The following GNA12 variants were observed in gnomAD, a reference collection of about 807,000 sequenced individuals.
GNA12 encodes the protein G protein subunit alpha 12.
GNA12 carries 9 observed loss-of-function variants against 26.0 expected under a neutral mutation model. The observed-to-expected ratio is 0.35, with a 90% CI of 0.21 to 0.60. GNA12 has a LOEUF of 0.60. GNA12 is among the 20% of genes least tolerant of loss of function. The pLI, the probability that GNA12 is intolerant of heterozygous loss-of-function variation, is 0.78. For missense variants in GNA12, 405 were observed against 525.8 expected, an observed-to-expected ratio of 0.77 and a Z score of 2.25; for synonymous variants, 264 against 219.6, an observed-to-expected ratio of 1.20 and a Z score of -1.79.
intron 1 of GNA12, among the ~76,000 whole-genome samples, chr7:2,837,128 G>A (rs1364338506): frequency 6.6e-6 from 1 of 151,964 alleles, no homozygotes; most frequent in East Asian, 1.9e-4. Flanking sequence ...AGAAGCAGGA[G>A]GTGCTCCAAT....
intron 1 of GNA12, among the ~76,000 whole-genome samples, chr7:2,797,193 T>G (rs766170859): frequency 5.3e-5 from 8 of 152,226 alleles, no homozygotes; most frequent in Non-Finnish European, 7.3e-5. Context: ...TCACCCAGGC[T>G]GGAGTGCAGT....
At chr7:2,780,048 G>GTATATATATATATA (rs1554259618) in intron 2 of GNA12, among the ~76,000 whole-genome samples, 35 of 84,718 alleles carry the variant, frequency 4.1e-4, no homozygotes, top group African/African-American at 1.5e-3. Context: ...ACATTTCTGT[G>GTATATATATATATA]TACATATATA....
Position 2,778,080 on chromosome 7 carries a change from G to A in GNA12, c.525+16848C>T, listed in dbSNP as rs148419600. The stretch of plus-strand genomic sequence containing the variant: ...GCTCAAACACGAGCTACACTATGCC[G>A]CCTTAGCGGCATAGTCTTTTCCAAA... On this transcript the variant is annotated intron_variant, in intron 2 of 3. Coordinates refer to ENST00000275364, the MANE Select transcript of GNA12 (RefSeq NM_007353.3). Among the ~76,000 whole-genome samples the A allele has an allele frequency of 1.1e-3, 168 of 152,246 alleles. 2 individuals carry two copies. The highest frequency in any genetic ancestry group is 3.9e-3 in the African/African-American group (161 of 41,536).
chr7:2,771,296 AAAAAAACC>A (rs1011774039), intron 2 of GNA12, among the ~76,000 whole-genome samples: 20 of 152,144 alleles, frequency 1.3e-4, no homozygotes, highest in Non-Finnish European at 2.8e-4. Flanking sequence ...CTGCCACTCA[AAAAAAACC>A]AAAAAACCAA....
chr7:2,843,365 C>G (rs1364484420), intron 1 of GNA12, among the ~76,000 whole-genome samples: 1 of 151,910 alleles, frequency 6.6e-6, no homozygotes, highest in Non-Finnish European at 1.5e-5. Context: ...AGAGGCAGAC[C>G]GGGCGCCATG....
At chr7:2,745,963 G>A (rs146165687) in intron 2 of GNA12, among the ~76,000 whole-genome samples, 3,582 of 152,146 alleles carry the variant, frequency 0.024, 97 homozygotes, top group Middle Eastern at 0.075. Context: ...TCAACAAGAA[G>A]AGCTAACTAT....
intron 2 of GNA12, among the ~76,000 whole-genome samples, chr7:2,783,837 A>G (rs1792295425): frequency 6.6e-6 from 1 of 151,852 alleles, no homozygotes; most frequent in African/African-American, 2.4e-5. Flanking sequence ...GGCACCCACC[A>G]CCATGTCTGG....
chr7:2,843,482 A>C (rs529789167), intron 1 of GNA12, among the ~76,000 whole-genome samples: 2 of 147,096 alleles, frequency 1.4e-5, no homozygotes, highest in Admixed American at 6.6e-5. Context: ...CCATCTCTAC[A>C]AAAAAAAACT....
At chr7:2,813,059 G>A (rs908102339) in intron 1 of GNA12, among the ~76,000 whole-genome samples, 2 of 152,086 alleles carry the variant, frequency 1.3e-5, no homozygotes, top group Non-Finnish European at 2.9e-5. Flanking sequence ...CTGAGTAGCT[G>A]GGAATTACCG....
chr7:2,789,297 G>A (rs1454001198), intron 2 of GNA12, among the ~76,000 whole-genome samples: 4 of 148,480 alleles, frequency 2.7e-5, no homozygotes, highest in Non-Finnish European at 5.9e-5. Flanking sequence ...CACTACGCCC[G>A]GCTAATTTTT....
At chr7:2,798,079 G>A (rs1205073210) in intron 1 of GNA12, among the ~76,000 whole-genome samples, 1 of 152,146 alleles carries the variant, frequency 6.6e-6, no homozygotes, top group Admixed American at 6.5e-5. Context: ...CCAACACTAG[G>A]AAAAGACAAA....
chr7:2,728,514 T>C lies in GNA12; in HGVS notation c.*2667A>G, dbSNP rs1789724132. 1 of 152,472 alleles carries C rather than the reference T, an allele frequency of 6.6e-6. No homozygotes were observed. The highest frequency in any genetic ancestry group is 2.4e-5 in the African/African-American group (1 of 41,444). The allele number at this position is 152,472 out of a possible 1,614,324, so 9.4% of individuals were successfully genotyped here. A position where few individuals can be genotyped will look rare whatever the true frequency, so the allele number is the denominator to read the frequency against. ...TTAAAAATAGATTTCAGTAAAACCC[T>C]ATATGCGTCTTATGTGTACACAGTA... On this transcript the variant is annotated 3_prime_UTR_variant, in exon 4 of 4. Coordinates refer to ENST00000275364, the MANE Select transcript of GNA12 (RefSeq NM_007353.3).
chr7:2,786,429 A>G (rs1280994845), intron 2 of GNA12, among the ~76,000 whole-genome samples: 2 of 152,248 alleles, frequency 1.3e-5, no homozygotes, highest in African/African-American at 2.4e-5. Context: ...GAATGTCAAT[A>G]GCCAACTAAG....
chr7:2,734,491 G>A (rs73047387), intron 2 of GNA12, among the ~76,000 whole-genome samples: 14,709 of 152,204 alleles, frequency 0.097, 932 homozygotes, highest in Middle Eastern at 0.17. Context: ...CATGTGGCGA[G>A]CTGACGCAGG....
chr7:2,826,351 T>C (rs1793484888), intron 1 of GNA12, among the ~76,000 whole-genome samples: 2 of 136,688 alleles, frequency 1.5e-5, no homozygotes, highest in African/African-American at 5.6e-5. Flanking sequence ...TACTCCAGCC[T>C]GGGTGACAGA....
intron 1 of GNA12, among the ~76,000 whole-genome samples, chr7:2,836,737 A>G (rs1778848693): frequency 6.6e-6 from 1 of 152,154 alleles, no homozygotes; most frequent in African/African-American, 2.4e-5. Flanking sequence ...CAGCCTGGCC[A>G]ACATGGTGAA....
chr7:2,746,996 A>G (rs1407061767), intron 2 of GNA12, among the ~76,000 whole-genome samples: 1 of 152,234 alleles, frequency 6.6e-6, no homozygotes, highest in Non-Finnish European at 1.5e-5. Flanking sequence ...GAATAGACCA[A>G]TAACAGGCTC....
intron 3 of GNA12, among the ~76,000 whole-genome samples, chr7:2,732,763 C>T (rs1398810799): frequency 6.6e-6 from 1 of 152,082 alleles, no homozygotes. Flanking sequence ...TGGTAAGAAA[C>T]CCTACAGGAT....
intron 2 of GNA12, among the ~76,000 whole-genome samples, chr7:2,746,803 T>A (rs1790786275): frequency 6.6e-6 from 1 of 150,384 alleles, no homozygotes; most frequent in Non-Finnish European, 1.5e-5. Context: ...GAGAGAAGAA[T>A]CAAATAGATG....
Sources: allele counts gnomAD v4.1 joint callset (sites outside exome capture counted in the v4.1 genomes callset), GRCh38; gene constraint gnomAD v4.1.1; transcripts MANE v1.5; gene names NCBI Gene and HGNC (gene_info 2026-07-23, HGNC 2026-07-21).